EHMT1: variants seen among roughly 807,000 people sequenced by gnomAD.
EHMT1 encodes the protein histone-lysine N-methyltransferase EHMT1.
Under a neutral mutation model 147.2 loss-of-function variants are expected in EHMT1, and 15 were observed. That is an observed-to-expected ratio of 0.10 (90% confidence interval 0.07 to 0.16). The LOEUF (loss-of-function observed/expected upper bound fraction) is 0.16, where lower values mean the gene tolerates loss of function less well. Ranked by LOEUF, EHMT1 falls within the 10% of genes least tolerant of loss-of-function variation. EHMT1 has a pLI of 1.00. For synonymous variants in EHMT1, 795 were observed against 709.6 expected (o/e 1.12, Z -1.91); for missense variants, 1,587 against 1,772.4 (o/e 0.90, Z 1.88).
chr9:137,788,962 G>A (rs1952257769), intron 15 of EHMT1: 1 of 152,620 alleles, frequency 6.6e-6, no homozygotes, highest in Non-Finnish European at 1.5e-5. Flanking sequence ...TGGCAGGTCT[G>A]TTTGGAAATG....
At chr9:137,740,437 G>A (rs574312687) in intron 4 of EHMT1, among the ~76,000 whole-genome samples, 2 of 151,878 alleles carry the variant, frequency 1.3e-5, no homozygotes, top group African/African-American at 2.4e-5. Flanking sequence ...AGAGGCCCTC[G>A]AGCCTCTTCG....
At chr9:137,624,488 GTAATTT>G (rs1843132264) in intron 1 of EHMT1, among the ~76,000 whole-genome samples, 2 of 151,954 alleles carry the variant, frequency 1.3e-5, no homozygotes, top group Non-Finnish European at 2.9e-5. Flanking sequence ...GCTAATTTTT[GTAATTT>G]TAGTAGAGAC....
intron 15 of EHMT1, chr9:137,788,059 G>C: frequency 7.3e-7 from 1 of 1,368,084 alleles, no homozygotes; most frequent in East Asian, 2.4e-5. Flanking sequence ...GCTCCCGCTG[G>C]CAAAGTCTCC....
intron 15 of EHMT1, among the ~76,000 whole-genome samples, chr9:137,783,014 G>T (rs541384291): frequency 1.3e-5 from 2 of 152,240 alleles, no homozygotes; most frequent in Non-Finnish European, 2.9e-5. Context: ...GTCTGGTGCA[G>T]TCTGACTTCT....
chr9:137,716,869 C>A lies in EHMT1; in HGVS notation c.329C>A (p.Thr110Asn), dbSNP rs147648583. 6.2e-7 allele frequency: 1 copy of A among 1,613,308 alleles called. No homozygotes were observed. The highest frequency in any genetic ancestry group is 2.2e-5 in the East Asian group (1 of 44,888). Residue 110 changes from threonine (T) to asparagine (N), a missense_variant, in exon 3 of 27, where the codon ACT becomes AAT. This residue lies in a region of EHMT1 where 810 missense variants were observed against 673.0 expected (regional missense o/e 1.20). Coordinates refer to ENST00000460843, the MANE Select transcript of EHMT1 (RefSeq NM_024757.5). ...GAAGCGGCGAAGCAAAACCACGTCA[C>A]TGCCGACGACTTTGTGCAGACTTCT... ...DSEAAKQNHV[T>N]ADDFVQTSVI...
chr9:137,827,586 A>G (rs1012444432), intron 25 of EHMT1, among the ~76,000 whole-genome samples: 5 of 152,146 alleles, frequency 3.3e-5, no homozygotes, highest in African/African-American at 1.2e-4. Flanking sequence ...TGGTGTTGCC[A>G]TCTGTTCTCA....
At position 137,798,726 on chromosome 9, in the gene EHMT1, A is replaced by T. The variant is rs1198783251; in HGVS notation, c.2506-87A>T. 4.7e-6 allele frequency: 5 copies of T among 1,066,518 alleles called. No homozygotes were observed. In the East Asian group the frequency reaches 9.4e-5, roughly 20 times the overall value. 66.1% of individuals were successfully genotyped at this position (1,066,518 alleles called of 1,614,324 possible). On this transcript the variant is annotated intron_variant, in intron 16 of 26. Coordinates refer to ENST00000460843, the MANE Select transcript of EHMT1 (RefSeq NM_024757.5). The stretch of plus-strand genomic sequence containing the variant: ...ACAGTACCCCACCCGCATGGTAGAC[A>T]CCGGGTTCTCCTGGATCCCGCACTC...
rs117409313 is a variant in EHMT1 at position 137,739,479 on chromosome 9, G to A, written c.824-3892G>A. On this transcript the variant is annotated intron_variant, in intron 4 of 26. Coordinates refer to ENST00000460843, the MANE Select transcript of EHMT1 (RefSeq NM_024757.5). ...GGTAGAAGCTGCAGGTCCCTGCTTG[G>A]TACAGTGTCCACACTTGAGTAGAAG... Among the ~76,000 whole-genome samples, 198 of 152,208 alleles carry A rather than the reference G, an allele frequency of 1.3e-3. 3 individuals are homozygous for A. The East Asian group carries it at 0.035, about 27-fold the overall frequency.
intron 3 of EHMT1, among the ~76,000 whole-genome samples, chr9:137,721,176 C>T (rs1482001534): frequency 0.028 from 3,609 of 126,824 alleles, 8 homozygotes; most frequent in African/African-American, 0.11. Context: ...CTCACACTCA[C>T]CCCCTCCCAG....
At chr9:137,752,197 C>G in intron 6 of EHMT1, 134 bp from the exon 7 acceptor site, 1 of 1,098,288 alleles carries the variant, frequency 9.1e-7, no homozygotes, top group Non-Finnish European at 1.4e-6. Flanking sequence ...GGCGCCCCCG[C>G]CCCGCGAGCG....
intron 1 of EHMT1, among the ~76,000 whole-genome samples, chr9:137,680,489 A>G (rs1362986205): frequency 6.6e-6 from 1 of 152,192 alleles, no homozygotes; most frequent in Non-Finnish European, 1.5e-5. Context: ...ACAATTATCA[A>G]GTGGGTCATA....
chr9:137,730,385 C>A (rs1277856428), intron 4 of EHMT1, among the ~76,000 whole-genome samples: 2 of 152,008 alleles, frequency 1.3e-5, no homozygotes, highest in African/African-American at 4.8e-5. Flanking sequence ...ATTTCAGTTT[C>A]TGCTGTAAGG....
At chr9:137,824,332 G>A (rs576473466) in intron 25 of EHMT1, among the ~76,000 whole-genome samples, 2 of 152,302 alleles carry the variant, frequency 1.3e-5, no homozygotes, top group South Asian at 4.1e-4. Flanking sequence ...CCAGCTGATG[G>A]AGATCTACGT....
chr9:137,832,537 C>G (rs1202826509), intron 25 of EHMT1: 2 of 153,092 alleles, frequency 1.3e-5, no homozygotes, highest in Non-Finnish European at 2.9e-5. Context: ...GCCCTCCCCC[C>G]ACCCACCCAT....
At chr9:137,730,651 C>G (rs1947027595) in intron 4 of EHMT1, among the ~76,000 whole-genome samples, 1 of 152,182 alleles carries the variant, frequency 6.6e-6, no homozygotes, top group Non-Finnish European at 1.5e-5. Context: ...GACTGTAATC[C>G]ATTCCTATCA....
At chr9:137,815,506 G>C (rs904454296) in intron 22 of EHMT1, 1 of 286,200 alleles carries the variant, frequency 3.5e-6, no homozygotes, top group African/African-American at 2.2e-5. Flanking sequence ...TGGCTTCAGG[G>C]GGGTAGAAAG....
chr9:137,832,529 C>G lies in EHMT1; in HGVS notation c.3541-1820C>G, dbSNP rs926658378. ...GATTGGCTGGGCTCCCTCCGCAGGC[C>G]CTCCCCCCACCCACCCATGTGGCCC... is the stretch of plus-strand genomic sequence containing the variant. On this transcript the variant is annotated intron_variant, in intron 25 of 26. Transcript: ENST00000460843. The G allele has an allele frequency of 2.0e-5, 3 of 151,146 alleles. No homozygotes were observed. The Admixed American group carries it at 2.0e-4, about 10-fold the overall frequency. The allele number at this position is 151,146 out of a possible 1,614,324, so 9.4% of individuals were successfully genotyped here.
chr9:137,624,964 C>T (rs1313166449), intron 1 of EHMT1, among the ~76,000 whole-genome samples: 4 of 151,974 alleles, frequency 2.6e-5, no homozygotes, highest in African/African-American at 9.7e-5. Context: ...TCACCGCAAC[C>T]TCCACCTCCT....
intron 10 of EHMT1, among the ~76,000 whole-genome samples, chr9:137,765,679 C>T (rs865975789): frequency 9.1e-4 from 2 of 2,206 alleles, no homozygotes; most frequent in African/African-American, 0.011. Flanking sequence ...CCGCCCCCGC[C>T]GCCCCAGCCT....
Sources: gnomAD v4.1 joint callset for allele counts (sites outside exome capture counted in the v4.1 genomes callset) on GRCh38, gnomAD v4.1.1 for gene constraint, gnomAD v4.1.1 regional missense constraint, MANE v1.5 for transcripts, NCBI Gene and HGNC (gene_info 2026-07-23, HGNC 2026-07-21) for gene names.